SRGAP1: variants seen among roughly 807,000 people sequenced by gnomAD.
SRGAP1 encodes the protein SLIT-ROBO Rho GTPase-activating protein 1.
SRGAP1 carries 43 observed loss-of-function variants against 121.9 expected under a neutral mutation model. That is an observed-to-expected ratio of 0.35 (90% confidence interval 0.28 to 0.46). SRGAP1 has a LOEUF of 0.46. SRGAP1 is among the 20% of genes least tolerant of loss of function. The pLI is 1.00. For missense variants in SRGAP1, 1,102 were observed against 1,350.9 expected, an observed-to-expected ratio of 0.82 and a Z score of 2.89; for synonymous variants, 447 against 485.4, an observed-to-expected ratio of 0.92 and a Z score of 1.04.
At chr12:63,880,915 C>G (rs1019017918) in intron 1 of SRGAP1, among the ~76,000 whole-genome samples, 1 of 152,172 alleles carries the variant, frequency 6.6e-6, no homozygotes, top group African/African-American at 2.4e-5. Context: ...AGGCGTCTCA[C>G]CAGCCTTCCT....
chr12:63,902,773 GACTT>G (rs1315129027), intron 1 of SRGAP1, among the ~76,000 whole-genome samples: 4 of 152,270 alleles, frequency 2.6e-5, no homozygotes, highest in Non-Finnish European at 4.4e-5. Flanking sequence ...TTTGATTAAA[GACTT>G]ACTATTTTTG....
chr12:64,091,853 C>G, intron 12 of SRGAP1: 1 of 1,514,390 alleles, frequency 6.6e-7, no homozygotes, highest in Non-Finnish European at 8.9e-7. Context: ...GTTTACTCTT[C>G]GTCTTCTTTT....
chr12:63,893,527 G>C (rs1900654678), intron 1 of SRGAP1, among the ~76,000 whole-genome samples: 1 of 152,106 alleles, frequency 6.6e-6, no homozygotes, highest in African/African-American at 2.4e-5. Context: ...AATAGAAAAG[G>C]CTTATTGAGT....
At chr12:64,111,384 C>T (rs1592331723) in intron 16 of SRGAP1, among the ~76,000 whole-genome samples, 1 of 152,074 alleles carries the variant, frequency 6.6e-6, no homozygotes, top group African/African-American at 2.4e-5. Context: ...GGGGAGAAGA[C>T]AATTTTAAAG....
intron 1 of SRGAP1, among the ~76,000 whole-genome samples, chr12:63,980,292 G>A (rs918532755): frequency 3.3e-5 from 5 of 152,100 alleles, no homozygotes; most frequent in African/African-American, 2.4e-5. Context: ...GAGCTCAAGC[G>A]ATCTACCTGC....
intron 1 of SRGAP1, among the ~76,000 whole-genome samples, chr12:63,949,395 A>T (rs1207937304): frequency 3.0e-5 from 3 of 100,384 alleles, no homozygotes; most frequent in South Asian, 3.7e-4. Context: ...CATTTTTATT[A>T]TTTATTATTA....
At chr12:63,974,513 ATTTTC>A (rs1565977313) in intron 1 of SRGAP1, among the ~76,000 whole-genome samples, 2 of 151,968 alleles carry the variant, frequency 1.3e-5, no homozygotes, top group African/African-American at 2.4e-5. Context: ...ACAGTTCCTT[ATTTTC>A]TTTTAATTTT....
chr12:63,871,120 A>T (rs2136276973), intron 1 of SRGAP1, among the ~76,000 whole-genome samples: 1 of 152,298 alleles, frequency 6.6e-6, no homozygotes, highest in Middle Eastern at 3.4e-3. Context: ...CTGCCGTAAA[A>T]ATCAAGCGAT....
intron 18 of SRGAP1, among the ~76,000 whole-genome samples, chr12:64,119,292 T>C (rs1455792772): frequency 6.6e-6 from 1 of 152,214 alleles, no homozygotes; most frequent in Non-Finnish European, 1.5e-5. Context: ...TTGATACCTT[T>C]TAATAAATCT....
Position 64,065,160 on chromosome 12 carries a change from A to G in SRGAP1, c.1066A>G (p.Met356Val). 1.9e-6 allele frequency: 3 copies of G among 1,613,704 alleles called. No homozygotes were observed. Among genetic ancestry groups the G allele is most frequent in the Non-Finnish European group, 2.5e-6 (3 of 1,179,866 alleles). The change falls in exon 8 of 22, where the codon ATG becomes GTG. Residue 356 changes from methionine to valine, a missense_variant. This residue lies in a region of SRGAP1 where 747 missense variants were observed against 929.4 expected (regional missense o/e 0.80). Transcript: ENST00000355086. ...SAQQPVQAEL[M>V]LRYQQLQSRL... is the part of the protein sequence containing the mutation. ...CCAGCAGCCAGTCCAGGCAGAGCTC[A>G]TGCTCAGGTACCAACAGTTGCAGTC...
intron 1 of SRGAP1, chr12:63,983,525 A>G (rs1474180453): frequency 6.6e-6 from 1 of 152,044 alleles, no homozygotes; most frequent in African/African-American, 2.4e-5. Flanking sequence ...ACAGTATTCT[A>G]ACAAAGGTCC....
intron 1 of SRGAP1, among the ~76,000 whole-genome samples, chr12:63,965,549 T>A (rs1410530892): frequency 2.0e-5 from 3 of 152,134 alleles, no homozygotes; most frequent in Non-Finnish European, 4.4e-5. Flanking sequence ...CTCACACCTA[T>A]AATCCCAGCA....
chr12:64,043,346 G>T (rs2035060586), intron 5 of SRGAP1, 101 bp from the exon 6 acceptor site: 1 of 1,175,222 alleles, frequency 8.5e-7, no homozygotes, highest in South Asian at 1.7e-5. Flanking sequence ...TGTATATGTG[G>T]AATAAATTGT....
At chr12:64,127,495 T>C in intron 19 of SRGAP1, 95 bp from the exon 20 acceptor site, 4 of 1,250,776 alleles carry the variant, frequency 3.2e-6, no homozygotes, top group East Asian at 5.1e-5. Context: ...CATACATAAA[T>C]GCTATCACGT....
chr12:63,993,247 T>G (rs979803556), intron 3 of SRGAP1, among the ~76,000 whole-genome samples: 1 of 152,216 alleles, frequency 6.6e-6, no homozygotes, highest in Non-Finnish European at 1.5e-5. Context: ...GCAATTTTTT[T>G]AATTTTTACA....
intron 1 of SRGAP1, among the ~76,000 whole-genome samples, chr12:63,849,521 G>A (rs1040353861): frequency 2.0e-5 from 3 of 152,180 alleles, no homozygotes; most frequent in Non-Finnish European, 4.4e-5. Flanking sequence ...TACAGGGAGT[G>A]CCAAGAAAAT....
chr12:63,995,216 G>T (rs1010419860), intron 3 of SRGAP1, among the ~76,000 whole-genome samples: 5 of 152,088 alleles, frequency 3.3e-5, no homozygotes, highest in Non-Finnish European at 7.4e-5. Context: ...ATAAATACAT[G>T]TACAATATAA....
At chr12:63,949,354 G>A (rs527445137) in intron 1 of SRGAP1, among the ~76,000 whole-genome samples, 24 of 139,916 alleles carry the variant, frequency 1.7e-4, no homozygotes, top group African/African-American at 3.6e-4. Flanking sequence ...TTTGCTGTTG[G>A]TCTTTGAAAA....
chr12:63,913,478 G>GATATATATATATATATATATATATATAT (rs143358798), intron 1 of SRGAP1, among the ~76,000 whole-genome samples: 5 of 130,986 alleles, frequency 3.8e-5, no homozygotes, highest in Non-Finnish European at 8.0e-5. Flanking sequence ...TATATATATG[G>GATATATATATATATATATATATATATAT]ATATATATAT....
Sources: allele counts gnomAD v4.1 joint callset (sites outside exome capture counted in the v4.1 genomes callset), GRCh38; gene constraint gnomAD v4.1.1; regional missense constraint gnomAD v4.1.1; transcripts MANE v1.5; gene names NCBI Gene and HGNC (gene_info 2026-07-23, HGNC 2026-07-21).